The following WASF2 variants were observed in gnomAD, a reference collection of about 807,000 sequenced individuals.
WASF2 encodes actin-binding protein WASF2.
Under a neutral mutation model 45.0 loss-of-function variants are expected in WASF2, and 14 were observed. That is an observed-to-expected ratio of 0.31 (90% CI 0.21 to 0.49). The LOEUF is 0.49. Among genes scored for constraint, WASF2 ranks in the 20% least tolerant of loss-of-function variants. WASF2 has a pLI of 0.99. For missense variants in WASF2, 439 were observed against 636.1 expected, an observed-to-expected ratio of 0.69 and a Z score of 3.33; for synonymous variants, 200 against 236.3, an observed-to-expected ratio of 0.85 and a Z score of 1.41.
At chr1:27,454,318 G>A (rs2017437964) in intron 1 of WASF2, among the ~76,000 whole-genome samples, 1 of 149,800 alleles carries the variant, frequency 6.7e-6, no homozygotes, top group Non-Finnish European at 1.5e-5. Context: ...AGCCTCCTGA[G>A]TAGCTGGGAC....
At chr1:27,444,862 C>T (rs1049329200) in intron 1 of WASF2, among the ~76,000 whole-genome samples, 2 of 152,194 alleles carry the variant, frequency 1.3e-5, no homozygotes, top group African/African-American at 4.8e-5. Flanking sequence ...TATAAAAACA[C>T]ACAAACAATC....
intron 1 of WASF2, among the ~76,000 whole-genome samples, chr1:27,445,238 C>CA (rs1463335125): frequency 1.3e-5 from 2 of 152,078 alleles, no homozygotes; most frequent in African/African-American, 4.8e-5. Flanking sequence ...TCTAGTCCTC[C>CA]AATTTTCCAA....
intron 1 of WASF2, among the ~76,000 whole-genome samples, chr1:27,451,770 T>G (rs868541272): frequency 6.6e-6 from 1 of 152,226 alleles, no homozygotes; most frequent in Non-Finnish European, 1.5e-5. Context: ...CTTTCTTCCT[T>G]GAACAATTAA....
At chr1:27,469,823 T>G (rs2017665913) in intron 1 of WASF2, among the ~76,000 whole-genome samples, 1 of 151,996 alleles carries the variant, frequency 6.6e-6, no homozygotes, top group African/African-American at 2.4e-5. Context: ...GCACCTGTAG[T>G]CCCAGCTACT....
In WASF2 at chr1:27,465,834, A is replaced by G. The variant is rs78080262; in HGVS notation, c.-44+24152T>C. Among the ~76,000 whole-genome samples the G allele has an allele frequency of 9.7e-3, 1,473 of 152,312 alleles. 50 individuals carry two copies. Among genetic ancestry groups the G allele is most frequent in the Admixed American group, 0.05 (764 of 15,282 alleles). The stretch of plus-strand genomic sequence containing the variant: ...TAAGAGGATCCAGAGCTTAGGGGAA[A>G]GGGCAGAAAATGTACAAGATGAGTT... On this transcript the variant is annotated intron_variant, in intron 1 of 8. Transcript: ENST00000618852.
chr1:27,485,561 A>C (rs1380707931), intron 1 of WASF2, among the ~76,000 whole-genome samples: 3 of 152,242 alleles, frequency 2.0e-5, no homozygotes, highest in Non-Finnish European at 2.9e-5. Flanking sequence ...AAAAATGCTT[A>C]TCAGGCACAT....
chr1:27,437,231 T>G (rs2017150106), intron 1 of WASF2, among the ~76,000 whole-genome samples: 1 of 152,216 alleles, frequency 6.6e-6, no homozygotes, highest in Admixed American at 6.5e-5. Flanking sequence ...GTATCAACTT[T>G]TTCATAGAAA....
intron 1 of WASF2, among the ~76,000 whole-genome samples, chr1:27,430,267 C>A (rs2017043444): frequency 6.6e-6 from 1 of 152,196 alleles, no homozygotes; most frequent in South Asian, 2.1e-4. Flanking sequence ...CTAAAACAGC[C>A]TAATGGTTTT....
At chr1:27,454,718 T>C (rs2148127272) in intron 1 of WASF2, among the ~76,000 whole-genome samples, 1 of 152,318 alleles carries the variant, frequency 6.6e-6, no homozygotes, top group Non-Finnish European at 1.5e-5. Flanking sequence ...ATTTCTAATA[T>C]TAACGTATAT....
intron 1 of WASF2, among the ~76,000 whole-genome samples, chr1:27,477,638 G>A (rs1235017510): frequency 2.1e-5 from 3 of 143,528 alleles, no homozygotes; most frequent in East Asian, 4.6e-4. Flanking sequence ...GGTGGCTCAC[G>A]CCTGTAATCC....
intron 4 of WASF2, among the ~76,000 whole-genome samples, chr1:27,416,710 G>A (rs1270742219): frequency 1.3e-5 from 2 of 152,202 alleles, no homozygotes; most frequent in Non-Finnish European, 2.9e-5. Flanking sequence ...CCACAAGAGG[G>A]CTCCAGTGAG....
At chr1:27,486,526 T>G (rs1317159730) in intron 1 of WASF2, among the ~76,000 whole-genome samples, 4 of 152,222 alleles carry the variant, frequency 2.6e-5, no homozygotes, top group Admixed American at 6.5e-5. Flanking sequence ...AGACTTAACA[T>G]GTCAAAAGCC....
chr1:27,446,726 C>T (rs975201743), intron 1 of WASF2, among the ~76,000 whole-genome samples: 11 of 149,428 alleles, frequency 7.4e-5, no homozygotes, highest in Non-Finnish European at 1.2e-4. Context: ...GATTGCAGTG[C>T]GCCAAGATTG....
At chr1:27,476,692 C>A (rs1463363358) in intron 1 of WASF2, among the ~76,000 whole-genome samples, 1 of 152,110 alleles carries the variant, frequency 6.6e-6, no homozygotes, top group East Asian at 1.9e-4. Flanking sequence ...AGTTGTGACA[C>A]AGTCCCTTCT....
chr1:27,477,898 C>CAAAAA (rs777021949), intron 1 of WASF2, among the ~76,000 whole-genome samples: 22 of 49,962 alleles, frequency 4.4e-4, no homozygotes, highest in Non-Finnish European at 4.7e-4. Context: ...GACTCCGTCT[C>CAAAAA]AAAAAAAAAA....
chr1:27,460,669 C>G (rs1020931916), intron 1 of WASF2, among the ~76,000 whole-genome samples: 2 of 152,162 alleles, frequency 1.3e-5, no homozygotes, highest in African/African-American at 4.8e-5. Context: ...AACATAGCCC[C>G]ATGTTCAGCG....
chr1:27,446,838 T>C (rs903507949), intron 1 of WASF2, among the ~76,000 whole-genome samples: 2 of 151,926 alleles, frequency 1.3e-5, no homozygotes, highest in African/African-American at 4.8e-5. Context: ...GAACTTTCCA[T>C]TACCTAATTG....
intron 1 of WASF2, among the ~76,000 whole-genome samples, chr1:27,443,421 C>T (rs1205210615): frequency 6.6e-6 from 1 of 151,678 alleles, no homozygotes; most frequent in East Asian, 1.9e-4. Flanking sequence ...CAAGACCAGC[C>T]TGGCCAACAT....
intron 7 of WASF2, 152 bp downstream of exon 7, chr1:27,412,420 C>G: frequency 3.0e-6 from 3 of 996,342 alleles, no homozygotes; most frequent in Non-Finnish European, 4.5e-6. Flanking sequence ...GTTACCCAGA[C>G]TGGTCTTGAA....
Sources: allele counts gnomAD v4.1 joint callset (sites outside exome capture counted in the v4.1 genomes callset), GRCh38; gene constraint gnomAD v4.1.1; transcripts MANE v1.5; gene names NCBI Gene and HGNC (gene_info 2026-07-23, HGNC 2026-07-21).